Variants in USP8 observed in about 807,000 individuals in gnomAD.
USP8 encodes the protein ubiquitin specific peptidase 8.
In USP8, 27 loss-of-function variants were observed where a neutral mutation model predicts 130.0. That is an observed-to-expected ratio of 0.21 (90% CI 0.15 to 0.29). The LOEUF is 0.29. Ranked by LOEUF, USP8 falls within the 10% of genes least tolerant of loss-of-function variation. USP8 has a pLI of 1.00. For missense variants in USP8, 1,029 were observed against 1,312.2 expected, an observed-to-expected ratio of 0.78 and a Z score of 3.33; for synonymous variants, 392 against 444.1, an observed-to-expected ratio of 0.88 and a Z score of 1.48.
rs188746203 is a variant in USP8, at chr15:50,500,597, A to T, written c.*1509A>T. On this transcript the variant is annotated 3_prime_UTR_variant, in exon 20 of 20. Transcript: ENST00000307179. ...GAGTTTAATGACCAAGCAAAACTCT[A>T]CCACCAGATGCTGACTGCTTGTTTT... 5.2e-6 allele frequency: 3 copies of T among 573,570 alleles called. No individual in the cohort carries two copies. The highest frequency in any genetic ancestry group is 9.3e-6 in the Non-Finnish European group (3 of 323,632). 35.5% of individuals were successfully genotyped at this position (573,570 alleles called of 1,614,324 possible). A position where few individuals can be genotyped will look rare whatever the true frequency, so the allele number is the denominator to read the frequency against.
chr15:50,431,176 T>TGTGTGTGTGTGTGTGTGC (rs1381140192), intron 1 of USP8, among the ~76,000 whole-genome samples: 1 of 151,408 alleles, frequency 6.6e-6, no homozygotes, highest in African/African-American at 2.4e-5. Flanking sequence ...TGTGTGTGTG[T>TGTGTGTGTGTGTGTGTGC]GTGTGTGTGT....
chr15:50,477,071 G>A, intron 9 of USP8, 78 bp downstream of exon 9: 2 of 1,550,392 alleles, frequency 1.3e-6, no homozygotes, highest in Non-Finnish European at 8.7e-7. Flanking sequence ...AACATTCTTG[G>A]TTGTGTGTGT....
At chr15:50,445,653 C>T (rs1458846153) in intron 3 of USP8, among the ~76,000 whole-genome samples, 1 of 148,474 alleles carries the variant, frequency 6.7e-6, no homozygotes, top group African/African-American at 2.5e-5. Context: ...AGTTCAAGAC[C>T]AGCCTGGCCA....
At chr15:50,484,832 C>T (rs555006125) in intron 12 of USP8, among the ~76,000 whole-genome samples, 81 of 152,284 alleles carry the variant, frequency 5.3e-4, no homozygotes, top group South Asian at 8.3e-4. Flanking sequence ...AATTCTGACA[C>T]GTTACAACAT....
At chr15:50,452,655 G>A (rs1181701939) in intron 4 of USP8, among the ~76,000 whole-genome samples, 1 of 152,140 alleles carries the variant, frequency 6.6e-6, no homozygotes, top group African/African-American at 2.4e-5. Context: ...AGACTCCCTG[G>A]GTATGGATCC....
intron 6 of USP8, among the ~76,000 whole-genome samples, chr15:50,464,335 A>G (rs1422011567): frequency 6.6e-6 from 1 of 152,238 alleles, no homozygotes; most frequent in Non-Finnish European, 1.5e-5. Context: ...TTTTGAATTT[A>G]GAACTTTTCC....
At chr15:50,453,633 G>A (rs1595924228) in intron 4 of USP8, among the ~76,000 whole-genome samples, 1 of 152,284 alleles carries the variant, frequency 6.6e-6, no homozygotes, top group East Asian at 1.9e-4. Context: ...CAGAATGGCT[G>A]ATAATGTTCA....
At chr15:50,468,735 G>A (rs897193140) in intron 7 of USP8, among the ~76,000 whole-genome samples, 12 of 152,014 alleles carry the variant, frequency 7.9e-5, no homozygotes, top group Admixed American at 7.2e-4. Context: ...CCCAGTGTCT[G>A]TTGTTTCCTT....
chr15:50,485,824 A>G (rs1196256059), intron 12 of USP8, among the ~76,000 whole-genome samples: 1 of 151,942 alleles, frequency 6.6e-6, no homozygotes, highest in Non-Finnish European at 1.5e-5. Context: ...CCCTTATATA[A>G]AATGGTATAG....
At chr15:50,452,796 A>G (rs553718858) in intron 4 of USP8, among the ~76,000 whole-genome samples, 2 of 152,330 alleles carry the variant, frequency 1.3e-5, no homozygotes, top group East Asian at 1.9e-4. Context: ...AACATTTACA[A>G]ACACTTAGAT....
chr15:50,464,934 T>C, intron 6 of USP8, 113 bp from the exon 7 acceptor site: 1 of 1,056,534 alleles, frequency 9.5e-7, no homozygotes, highest in East Asian at 2.5e-5. Flanking sequence ...GTGGCATCCA[T>C]ATATATTCAG....
chr15:50,441,568 T>G lies in USP8; in HGVS notation c.249+75T>G. The G allele has an allele frequency of 2.3e-6, 3 of 1,313,118 alleles. No homozygotes were observed. In the South Asian group the frequency reaches 4.8e-5, roughly 21 times the overall value. The allele number at this position is 1,313,118 out of a possible 1,614,324, so 81.3% of individuals were successfully genotyped here. A position where few individuals can be genotyped will look rare whatever the true frequency, so the allele number is the denominator to read the frequency against. The stretch of plus-strand genomic sequence containing the variant: ...AGCTATTGATTTTTTTCTAAAAATT[T>G]TAAGTAATAATGAAATGTAGCTCAA... On this transcript the variant is annotated intron_variant, in intron 3 of 19. Coordinates refer to ENST00000307179, the MANE Select transcript of USP8 (RefSeq NM_005154.5).
At chr15:50,489,903 A>G in intron 13 of USP8, 22 bp downstream of exon 13, 1 of 1,533,032 alleles carries the variant, frequency 6.5e-7, no homozygotes, top group Non-Finnish European at 8.8e-7. Context: ...AATTAGCAGT[A>G]AAATAGCCAC....
chr15:50,481,652 C>A lies in USP8; in HGVS notation c.1390C>A (p.Arg464Ser). The A allele has an allele frequency of 6.2e-7, 1 of 1,613,086 alleles. No individual in the cohort carries two copies. Among genetic ancestry groups the A allele is most frequent in the South Asian group, 1.1e-5 (1 of 90,792 alleles). The change falls in exon 11 of 20, where the codon CGT becomes AGT. Residue 464 changes from arginine to serine, a missense_variant. Transcript: ENST00000307179. ...CATGTTAACAGATGAAGAAAAGGCT[C>A]GTATTCATGCAGAAACTGCTCTTCT... ...TLMLTDEEKA[R>S]IHAETALLME...
At chr15:50,488,000 G>A (rs2052023745) in intron 12 of USP8, among the ~76,000 whole-genome samples, 1 of 152,162 alleles carries the variant, frequency 6.6e-6, no homozygotes. Context: ...GCAATGTAGT[G>A]AAACCCCATC....
At chr15:50,496,681 C>G (rs987993006) in intron 17 of USP8, among the ~76,000 whole-genome samples, 2 of 152,046 alleles carry the variant, frequency 1.3e-5, no homozygotes, top group Non-Finnish European at 2.9e-5. Flanking sequence ...TGTTGACTAA[C>G]TTAGGCCTAC....
At chr15:50,482,109 G>C (rs2051796554) in intron 11 of USP8, 44 bp downstream of exon 11, 1 of 1,448,842 alleles carries the variant, frequency 6.9e-7, no homozygotes, top group Non-Finnish European at 9.1e-7. Flanking sequence ...GAAAGAAAAT[G>C]TATATGAAAA....
intron 1 of USP8, among the ~76,000 whole-genome samples, chr15:50,430,392 T>C (rs2049893210): frequency 6.6e-6 from 1 of 152,072 alleles, no homozygotes; most frequent in Non-Finnish European, 1.5e-5. Flanking sequence ...CTTTTCTTTT[T>C]TTCTCATGGC....
chr15:50,443,477 G>T (rs1334122236), intron 3 of USP8, among the ~76,000 whole-genome samples: 2 of 150,966 alleles, frequency 1.3e-5, no homozygotes, highest in Non-Finnish European at 3.0e-5. Context: ...TAGTTACTAG[G>T]TTTTTTTTGT....
Sources: allele counts gnomAD v4.1 joint callset (sites outside exome capture counted in the v4.1 genomes callset), GRCh38; gene constraint gnomAD v4.1.1; transcripts MANE v1.5; gene names NCBI Gene and HGNC (gene_info 2026-07-23, HGNC 2026-07-21).